Variants in TSPAN5 observed in about 807,000 individuals in gnomAD.
TSPAN5 encodes the protein tetraspanin 5, also known as tetraspanin-5.
In TSPAN5, 10 loss-of-function variants were observed where a neutral mutation model predicts 37.1. The observed-to-expected ratio is 0.27, with a 90% CI of 0.17 to 0.46. The LOEUF (loss-of-function observed/expected upper bound fraction) is 0.46, where lower values mean the gene tolerates loss of function less well. TSPAN5 is among the 20% of genes least tolerant of loss of function. TSPAN5 has a pLI of 1.00. For synonymous variants in TSPAN5, 110 were observed against 118.9 expected, an observed-to-expected ratio of 0.93 and a Z score of 0.48; for missense variants, 195 against 326.6, an observed-to-expected ratio of 0.60 and a Z score of 3.11.
At chr4:98,621,093 C>T (rs1157381156) in intron 1 of TSPAN5, among the ~76,000 whole-genome samples, 8 of 152,124 alleles carry the variant, frequency 5.3e-5, no homozygotes, top group Non-Finnish European at 1.2e-4. Context: ...ACCACAGACA[C>T]ACACACAAGG....
At chr4:98,611,492 T>C (rs1050688574) in intron 1 of TSPAN5, among the ~76,000 whole-genome samples, 1 of 152,162 alleles carries the variant, frequency 6.6e-6, no homozygotes, top group Non-Finnish European at 1.5e-5. Flanking sequence ...TATTACTATT[T>C]TTGACAAGAA....
intron 2 of TSPAN5, among the ~76,000 whole-genome samples, chr4:98,496,106 T>G (rs925503040): frequency 6.6e-6 from 1 of 151,982 alleles, no homozygotes; most frequent in Admixed American, 6.6e-5. Context: ...TGAGAAAGGG[T>G]AACGAGGAAT....
chr4:98,658,003 G>T, intron 1 of TSPAN5, 143 bp downstream of exon 1: 1 of 775,974 alleles, frequency 1.3e-6, no homozygotes. Context: ...GCGCAAGCTG[G>T]AAAGGCGGAA....
chr4:98,575,261 G>C (rs999440329), intron 1 of TSPAN5, among the ~76,000 whole-genome samples: 1 of 151,946 alleles, frequency 6.6e-6, no homozygotes, highest in Non-Finnish European at 1.5e-5. Context: ...AGAGATAATC[G>C]CTACTCACAC....
chr4:98,531,379 T>C (rs1251287675), intron 1 of TSPAN5, among the ~76,000 whole-genome samples: 2 of 152,198 alleles, frequency 1.3e-5, no homozygotes, highest in Admixed American at 6.5e-5. Context: ...TTCATCCATG[T>C]CCCTGCAAAG....
intron 1 of TSPAN5, among the ~76,000 whole-genome samples, chr4:98,588,175 G>A (rs192093084): frequency 9.2e-5 from 14 of 152,056 alleles, no homozygotes; most frequent in African/African-American, 3.4e-4. Context: ...AAGTTAAAAC[G>A]AATTAACTTC....
chr4:98,566,029 A>G (rs1754996627), intron 1 of TSPAN5, among the ~76,000 whole-genome samples: 1 of 152,236 alleles, frequency 6.6e-6, no homozygotes, highest in Non-Finnish European at 1.5e-5. Flanking sequence ...AGCGAGGAGA[A>G]GAAACAGGCA....
intron 1 of TSPAN5, among the ~76,000 whole-genome samples, chr4:98,572,117 C>T (rs1406448634): frequency 6.6e-6 from 1 of 152,094 alleles, no homozygotes; most frequent in Non-Finnish European, 1.5e-5. Flanking sequence ...GCGATTACCA[C>T]CACACCTGGC....
At chr4:98,621,197 G>A (rs891508321) in intron 1 of TSPAN5, among the ~76,000 whole-genome samples, 15 of 152,002 alleles carry the variant, frequency 9.9e-5, no homozygotes, top group African/African-American at 3.6e-4. Context: ...TAAGCTAGGG[G>A]AGAGCCACGG....
chr4:98,586,727 A>AG (rs1162103745), intron 1 of TSPAN5, among the ~76,000 whole-genome samples: 1 of 152,222 alleles, frequency 6.6e-6, no homozygotes, highest in Admixed American at 6.5e-5. Context: ...GAGAAAGGAG[A>AG]GGGGGTCCTG....
At chr4:98,631,177 G>A (rs560910258) in intron 1 of TSPAN5, among the ~76,000 whole-genome samples, 9 of 152,228 alleles carry the variant, frequency 5.9e-5, no homozygotes, top group South Asian at 2.1e-4. Flanking sequence ...TGAATCGCTC[G>A]ACTGGCAAAA....
chr4:98,588,477 T>C (rs567759249), intron 1 of TSPAN5, among the ~76,000 whole-genome samples: 1 of 152,334 alleles, frequency 6.6e-6, no homozygotes, highest in Non-Finnish European at 1.5e-5. Flanking sequence ...ATCACTATTT[T>C]TTAAAGAATG....
intron 2 of TSPAN5, among the ~76,000 whole-genome samples, chr4:98,487,390 C>A (rs542642872): frequency 6.6e-6 from 1 of 152,170 alleles, no homozygotes; most frequent in East Asian, 1.9e-4. Flanking sequence ...GTATAAAAAA[C>A]ACACACACCC....
chr4:98,539,131 C>G (rs1425924502), intron 1 of TSPAN5, among the ~76,000 whole-genome samples: 3 of 133,750 alleles, frequency 2.2e-5, no homozygotes, highest in Non-Finnish European at 4.7e-5. Context: ...GCTTCTCCCC[C>G]TCACCCCCAC....
intron 1 of TSPAN5, among the ~76,000 whole-genome samples, chr4:98,546,856 C>A (rs1340529602): frequency 6.6e-6 from 1 of 152,200 alleles, no homozygotes; most frequent in Non-Finnish European, 1.5e-5. Context: ...GACTAAGGAT[C>A]CTTTCACAAA....
intron 1 of TSPAN5, among the ~76,000 whole-genome samples, chr4:98,515,735 CT>C (rs1753713554): frequency 7.1e-6 from 1 of 140,598 alleles, no homozygotes; most frequent in African/African-American, 2.8e-5. Flanking sequence ...ATCTTCTCTC[CT>C]CAATTTCAGC....
chr4:98,504,928 T>C (rs1008868307), intron 2 of TSPAN5, among the ~76,000 whole-genome samples: 1 of 152,138 alleles, frequency 6.6e-6, no homozygotes, highest in Non-Finnish European at 1.5e-5. Context: ...AAGTCCATGA[T>C]CAAGGCGCCA....
intron 1 of TSPAN5, among the ~76,000 whole-genome samples, chr4:98,614,507 G>A (rs1307237294): frequency 3.3e-5 from 5 of 152,150 alleles, no homozygotes; most frequent in Admixed American, 1.3e-4. Context: ...CAGAACAGCC[G>A]ATGCAAACCC....
intron 5 of TSPAN5, 113 bp from the exon 6 acceptor site, chr4:98,476,573 C>G: frequency 1.1e-6 from 1 of 921,982 alleles, no homozygotes. Flanking sequence ...TATCTGGGCA[C>G]AAAGACTGCA....
Sources: gnomAD v4.1 joint callset for allele counts (sites outside exome capture counted in the v4.1 genomes callset) on GRCh38, gnomAD v4.1.1 for gene constraint, MANE v1.5 for transcripts, NCBI Gene and HGNC (gene_info 2026-07-23, HGNC 2026-07-21) for gene names.